Variants in KIAA1217 observed in about 807,000 individuals in gnomAD.
KIAA1217 encodes the protein KIAA1217.
KIAA1217 carries 88 observed loss-of-function variants against 163.9 expected under a neutral mutation model. The observed-to-expected ratio is 0.54, with a 90% CI of 0.45 to 0.64. The LOEUF is 0.64. Ranked by LOEUF, KIAA1217 falls within the 30% of genes least tolerant of loss-of-function variation. The pLI, the probability that KIAA1217 is intolerant of heterozygous loss-of-function variation, is 0.00. For missense variants in KIAA1217, 2,372 were observed against 2,475.0 expected (o/e 0.96, Z 0.88); for synonymous variants, 903 against 923.1 (o/e 0.98, Z 0.39).
At chr10:24,296,951 G>A (rs568824448) in intron 2 of KIAA1217, among the ~76,000 whole-genome samples, 7 of 152,286 alleles carry the variant, frequency 4.6e-5, no homozygotes, top group South Asian at 2.1e-4. Context: ...GGTCTCTGTC[G>A]CTGTCAAAAG....
chr10:23,856,664 C>T (rs1030470065), intron 1 of KIAA1217, among the ~76,000 whole-genome samples: 1 of 152,258 alleles, frequency 6.6e-6, no homozygotes, highest in African/African-American at 2.4e-5. Context: ...GGGCACCACC[C>T]AGTTCGAGCT....
intron 2 of KIAA1217, among the ~76,000 whole-genome samples, chr10:24,272,552 T>C (rs1247839612): frequency 1.3e-5 from 2 of 152,182 alleles, no homozygotes; most frequent in African/African-American, 4.8e-5. Flanking sequence ...AATACTAAGG[T>C]TGACTCATTG....
intron 1 of KIAA1217, among the ~76,000 whole-genome samples, chr10:23,705,137 G>C (rs1437431647): frequency 6.6e-6 from 1 of 151,964 alleles, no homozygotes; most frequent in Non-Finnish European, 1.5e-5. Flanking sequence ...CTTTTAAATT[G>C]GTTTGTCTTT....
chr10:24,378,342 C>A (rs2052802381), intron 2 of KIAA1217, among the ~76,000 whole-genome samples: 2 of 152,098 alleles, frequency 1.3e-5, no homozygotes, highest in South Asian at 4.2e-4. Context: ...TCAGGAAAGA[C>A]CAGGCTGGGA....
chr10:23,979,098 A>G (rs1845658345), intron 1 of KIAA1217, among the ~76,000 whole-genome samples: 1 of 152,180 alleles, frequency 6.6e-6, no homozygotes. Flanking sequence ...CTCCTCAAAG[A>G]CAAGTCTCAA....
chr10:24,250,159 C>G (rs1204009574), intron 2 of KIAA1217, among the ~76,000 whole-genome samples: 3 of 152,148 alleles, frequency 2.0e-5, no homozygotes, highest in African/African-American at 7.2e-5. Context: ...TCAGGAATGT[C>G]AAAAGCATTT....
intron 2 of KIAA1217, among the ~76,000 whole-genome samples, chr10:24,187,166 A>G (rs533943748): frequency 6.6e-6 from 1 of 151,828 alleles, no homozygotes. Context: ...CTGATTATAG[A>G]CCCCATCTTT....
chr10:24,125,449 T>G (rs1459769316), intron 2 of KIAA1217, among the ~76,000 whole-genome samples: 1 of 152,080 alleles, frequency 6.6e-6, no homozygotes, highest in African/African-American at 2.4e-5. Flanking sequence ...GTAAGCTACA[T>G]TTATAATGAA....
At position 24,029,495 on chromosome 10, in the gene KIAA1217, TA is replaced by T. The variant is rs1228966327; in HGVS notation, c.-171+22127del. 3.9e-5 allele frequency among the ~76,000 whole-genome samples: 6 copies of T among 152,252 alleles called. No homozygotes were observed. The South Asian group carries it at 6.2e-4, about 16-fold the overall frequency. On this transcript the variant is annotated intron_variant, in intron 2 of 18. Transcript: ENST00000376462. ...CTCAGTGGATCTTTATTTACTCATT[TA>T]AAAAATATGGAACATTCTAGTTCAG...
intron 2 of KIAA1217, among the ~76,000 whole-genome samples, chr10:24,133,212 G>T (rs749093053): frequency 6.6e-6 from 1 of 152,046 alleles, no homozygotes; most frequent in African/African-American, 2.4e-5. Flanking sequence ...TGAGGAACCC[G>T]CACAAAGTAG....
chr10:24,258,122 C>T (rs1426144273), intron 2 of KIAA1217, among the ~76,000 whole-genome samples: 4 of 151,992 alleles, frequency 2.6e-5, no homozygotes, highest in African/African-American at 4.8e-5. Context: ...TCAAGGCTGC[C>T]GTGAGCCGTG....
chr10:23,911,719 G>A lies in KIAA1217; in HGVS notation c.-320-95506G>A, dbSNP rs528816866. Among the ~76,000 whole-genome samples, 38 of 152,264 alleles carry A rather than the reference G, an allele frequency of 2.5e-4. 1 individual carries two copies. Among genetic ancestry groups the A allele is most frequent in the African/African-American group, 8.9e-4 (37 of 41,548 alleles). On this transcript the variant is annotated intron_variant, in intron 1 of 18. Coordinates refer to the KIAA1217 transcript ENST00000376462. Reference sequence around the variant, plus strand: ...GCAGCTGGCCTTGCCTTTTTTCAAGGTTGAATGTCTAGGCATGTAATTTAT... The same window carrying A: ...GCAGCTGGCCTTGCCTTTTTTCAAGATTGAATGTCTAGGCATGTAATTTAT...
intron 2 of KIAA1217, among the ~76,000 whole-genome samples, chr10:24,282,092 G>T (rs2132236365): frequency 6.6e-6 from 1 of 152,136 alleles, no homozygotes; most frequent in Non-Finnish European, 1.5e-5. Context: ...ATCTGGCCAG[G>T]CATGGTGGCT....
intron 2 of KIAA1217, among the ~76,000 whole-genome samples, chr10:24,302,232 A>G (rs2041451594): frequency 6.6e-6 from 1 of 152,166 alleles, no homozygotes; most frequent in African/African-American, 2.4e-5. Context: ...CCCAAAACAA[A>G]GGGACTTGAT....
intron 1 of KIAA1217, among the ~76,000 whole-genome samples, chr10:23,743,715 G>A (rs767844987): frequency 6.6e-6 from 1 of 152,146 alleles, no homozygotes; most frequent in Non-Finnish European, 1.5e-5. Context: ...GTTACCCAGT[G>A]TTATAAACTT....
chr10:24,523,695 G>A (rs2071647987), intron 12 of KIAA1217, among the ~76,000 whole-genome samples: 1 of 152,100 alleles, frequency 6.6e-6, no homozygotes, highest in South Asian at 2.1e-4. Context: ...GCTTAAAGAG[G>A]CGAAGTTCTC....
intron 2 of KIAA1217, among the ~76,000 whole-genome samples, chr10:24,032,455 C>T (rs1848227983): frequency 6.6e-6 from 1 of 152,080 alleles, no homozygotes; most frequent in Admixed American, 6.6e-5. Context: ...CTATGTTGCC[C>T]AGGCTGTTCT....
chr10:24,217,207 G>C (rs11013978), intron 1 of KIAA1217, among the ~76,000 whole-genome samples: 6 of 152,070 alleles, frequency 3.9e-5, no homozygotes, highest in African/African-American at 1.4e-4. Flanking sequence ...TTGTTCAGTA[G>C]ATCCTGTTAT....
chr10:24,508,918 G>T (rs151306464), intron 9 of KIAA1217, among the ~76,000 whole-genome samples: 384 of 152,260 alleles, frequency 2.5e-3, no homozygotes, highest in African/African-American at 8.8e-3. Flanking sequence ...ATTGTAAAAG[G>T]TCTCAAAGGA....
Sources: gnomAD v4.1 joint callset for allele counts (sites outside exome capture counted in the v4.1 genomes callset) on GRCh38, gnomAD v4.1.1 for gene constraint, MANE v1.5 for transcripts, NCBI Gene and HGNC (gene_info 2026-07-23, HGNC 2026-07-21) for gene names.